CDKN2B-AS1: variants seen among roughly 807,000 people sequenced by gnomAD.
The protein encoded by CDKN2B-AS1 is CDKN2B antisense RNA 1 (non-protein coding).
At chr9:22,059,251 G>C (rs1192524724) in intron 4 of CDKN2B-AS1, among the ~76,000 whole-genome samples, 2 of 152,200 alleles carry the variant, frequency 1.3e-5, no homozygotes, top group Non-Finnish European at 2.9e-5. Context: ...CTATGAGCCT[G>C]TAAAATCAAA....
chr9:22,067,594 A>G (rs10811650), intron 4 of CDKN2B-AS1, among the ~76,000 whole-genome samples: 56,868 of 152,070 alleles, frequency 0.37, 11,497 homozygotes, highest in Middle Eastern at 0.54. Flanking sequence ...ATGTCTAGGA[A>G]GGATGTGGAG....
At chr9:22,014,773 C>T (rs563491406) in intron 1 of CDKN2B-AS1, among the ~76,000 whole-genome samples, 2 of 118,286 alleles carry the variant, frequency 1.7e-5, no homozygotes, top group East Asian at 6.4e-4. Context: ...CCCCACCCCA[C>T]AACAGTCCCC....
chr9:22,039,625 G>T lies in CDKN2B-AS1; in HGVS notation n.30-7126G>T, dbSNP rs572059598. On this transcript the variant is annotated intron_variant and non_coding_transcript_variant, in intron 1 of 4. Coordinates refer to ENST00000650946, the Ensembl canonical transcript of CDKN2B-AS1. This position sits in a 1 kb window ranked among gnomAD's most constrained non-coding sequence, Gnocchi z 4.4. ...GAATGGCAGCTTATAGTAGTTATTT[G>T]GATAATTTATATAGTCTCTTAAAAA... Among the ~76,000 whole-genome samples, 5 of 151,958 alleles carry T rather than the reference G, an allele frequency of 3.3e-5. No homozygotes were observed. Among genetic ancestry groups the T allele is most frequent in the Non-Finnish European group, 7.4e-5 (5 of 67,922 alleles).
intron 4 of CDKN2B-AS1, among the ~76,000 whole-genome samples, chr9:22,081,610 C>T (rs1172218839): frequency 1.3e-5 from 2 of 152,216 alleles, no homozygotes; most frequent in East Asian, 1.9e-4. Context: ...TAATTCAACA[C>T]AGCCCCTGGG....
intron 4 of CDKN2B-AS1, among the ~76,000 whole-genome samples, chr9:22,125,518 C>A (rs141631698): frequency 7.9e-5 from 12 of 152,278 alleles, no homozygotes; most frequent in African/African-American, 2.9e-4. Flanking sequence ...AGCAGCCACT[C>A]GCAGAGGTAA....
At chr9:22,032,722 G>A (rs1315300899) in intron 1 of CDKN2B-AS1, 2 of 151,846 alleles carry the variant, frequency 1.3e-5, no homozygotes, top group African/African-American at 2.4e-5. Flanking sequence ...TGTCTTGGAT[G>A]TGAAGATGAT....
In CDKN2B-AS1 at chr9:21,999,444, A is replaced by G. The variant is rs1201110684; in HGVS notation, n.29+4283A>G. 6.6e-6 allele frequency among the ~76,000 whole-genome samples: 1 copy of G among 151,908 alleles called. No individual in the cohort carries two copies. Among genetic ancestry groups the G allele is most frequent in the Non-Finnish European group, 1.5e-5 (1 of 67,938 alleles). On this transcript the variant is annotated intron_variant and non_coding_transcript_variant, in intron 1 of 4. Coordinates refer to ENST00000650946, the Ensembl canonical transcript of CDKN2B-AS1. This position sits in a 1 kb window ranked among gnomAD's most constrained non-coding sequence, Gnocchi z 4.7. The stretch of plus-strand genomic sequence containing the variant: ...ATAATACATATCTTTATATACACAT[A>G]TGTACACACATATCTGTAAGTATGG...
chr9:22,127,970 C>T (rs1173947240), exon 5 of CDKN2B-AS1, among the ~76,000 whole-genome samples: 1 of 151,966 alleles, frequency 6.6e-6, no homozygotes, highest in Non-Finnish European at 1.5e-5. Flanking sequence ...ACTGGTAAGC[C>T]CTGTGAGAAT....
intron 4 of CDKN2B-AS1, among the ~76,000 whole-genome samples, chr9:22,085,044 A>C (rs553131236): frequency 1.3e-5 from 2 of 152,260 alleles, no homozygotes; most frequent in Admixed American, 6.5e-5. Flanking sequence ...TAGAGTGAAC[A>C]TTTTTCCACA....
Position 22,006,754 on chromosome 9 carries a change from TC to T in CDKN2B-AS1, n.29+11594del, listed in dbSNP as rs951892295. Among the ~76,000 whole-genome samples, 1 of 152,004 alleles carries T rather than the reference TC, an allele frequency of 6.6e-6. No individual in the cohort carries two copies. The highest frequency in any genetic ancestry group is 2.4e-5 in the African/African-American group (1 of 41,436). ...AAATAAACAACTAAGTTTTTTTCTT[TC>T]TTTTTTTTTTAATTTATTTAGTTCT... On this transcript the variant is annotated intron_variant and non_coding_transcript_variant, in intron 1 of 4. Coordinates refer to ENST00000650946, the Ensembl canonical transcript of CDKN2B-AS1. The surrounding 1 kb of genome is among the most constrained non-coding windows in gnomAD (Gnocchi z 6.4).
intron 4 of CDKN2B-AS1, among the ~76,000 whole-genome samples, chr9:22,102,622 A>C (rs1037730362): frequency 6.6e-6 from 1 of 151,920 alleles, no homozygotes; most frequent in Non-Finnish European, 1.5e-5. Context: ...ATGGCCTTCT[A>C]CTCTGCTCCT....
At chr9:22,012,969 A>G (rs1032148283) in intron 1 of CDKN2B-AS1, among the ~76,000 whole-genome samples, 51 of 152,198 alleles carry the variant, frequency 3.4e-4, no homozygotes, top group African/African-American at 1.2e-3. Context: ...ATAACAGAAT[A>G]CCACAGACTG....
intron 3 of CDKN2B-AS1, among the ~76,000 whole-genome samples, chr9:22,050,636 G>A (rs1250085748): frequency 2.6e-5 from 4 of 152,164 alleles, no homozygotes; most frequent in African/African-American, 9.6e-5. Context: ...GCTTTGGCTA[G>A]CTTCTTCTGT....
chr9:22,084,547 C>A (rs1824803146), intron 4 of CDKN2B-AS1, among the ~76,000 whole-genome samples: 1 of 151,950 alleles, frequency 6.6e-6, no homozygotes, highest in Non-Finnish European at 1.5e-5. Flanking sequence ...ATTTTTTTTA[C>A]TCTCAGAGAA....
At chr9:22,105,853 C>T (rs1380665150) in intron 4 of CDKN2B-AS1, among the ~76,000 whole-genome samples, 1 of 152,208 alleles carries the variant, frequency 6.6e-6, no homozygotes, top group Non-Finnish European at 1.5e-5. Flanking sequence ...TTGATTTCAA[C>T]TATGGGCTTT....
intron 4 of CDKN2B-AS1, among the ~76,000 whole-genome samples, chr9:22,126,478 G>A (rs1187602433): frequency 2.6e-5 from 4 of 151,776 alleles, no homozygotes; most frequent in African/African-American, 7.3e-5. Context: ...CCAAGGTTTA[G>A]TTGAGAGCAA....
chr9:22,005,744 C>A lies in CDKN2B-AS1; in HGVS notation n.29+10583C>A. On this transcript the variant is annotated intron_variant and non_coding_transcript_variant, in intron 1 of 4. Transcript: ENST00000650946. This position sits in a 1 kb window ranked among gnomAD's most constrained non-coding sequence, Gnocchi z 4.9. ...TGGAATGTCACACACTCCTAAATAT[C>A]CCTGGAAATCCGCTTCTCTGTGTTT... 1.7e-6 allele frequency: 1 copy of A among 603,832 alleles called. No homozygotes were observed. Among genetic ancestry groups the A allele is most frequent in the Non-Finnish European group, 2.9e-6 (1 of 340,884 alleles). The allele number at this position is 603,832 out of a possible 1,614,324, so 37.4% of individuals were successfully genotyped here.
At position 22,104,640 on chromosome 9, in the gene CDKN2B-AS1, T is replaced by TTTCA. The variant is rs1009839709; in HGVS notation, n.439-22450_439-22447dup. ...GAAGCCAGATTATATTTACCTACTC[T>TTTCA]TTCATTCATTCATTCACTCATTCAT... On this transcript the variant is annotated intron_variant and non_coding_transcript_variant, in intron 4 of 4. Transcript: ENST00000650946. Among the ~76,000 whole-genome samples the TTTCA allele has an allele frequency of 8.5e-5, 13 of 152,358 alleles. No homozygotes were observed. In the East Asian group the frequency reaches 1.5e-3, roughly 18 times the overall value.
rs748240602 is a variant in CDKN2B-AS1, at chr9:22,000,712, T to C, written n.29+5551T>C. ...TGAACAGAATAAACTGTTTCTTCTT[T>C]TATGTTTGTGTATTATTGCTTATAA... On this transcript the variant is annotated intron_variant and non_coding_transcript_variant, in intron 1 of 4. Coordinates refer to ENST00000650946, the Ensembl canonical transcript of CDKN2B-AS1. The surrounding 1 kb of genome is among the most constrained non-coding windows in gnomAD (Gnocchi z 4.1). 1.8e-4 allele frequency among the ~76,000 whole-genome samples: 27 copies of C among 152,222 alleles called. No homozygotes were observed. The highest frequency in any genetic ancestry group is 3.2e-4 in the Non-Finnish European group (22 of 68,018).
Sources: allele counts gnomAD v4.1 joint callset (sites outside exome capture counted in the v4.1 genomes callset), GRCh38; gene constraint gnomAD v4.1.1; non-coding constraint Gnocchi (gnomAD v3.1); transcripts MANE v1.5; gene names NCBI Gene and HGNC (gene_info 2026-07-23, HGNC 2026-07-21).